The following CNTN5 variants were observed in gnomAD, a reference collection of about 807,000 sequenced individuals.
CNTN5 encodes the protein contactin-5.
CNTN5 carries 77 observed loss-of-function variants against 129.1 expected under a neutral mutation model. That is an observed-to-expected ratio of 0.60 (90% confidence interval 0.50 to 0.72). CNTN5 has a LOEUF of 0.72. Ranked by LOEUF, CNTN5 falls within the 30% of genes least tolerant of loss-of-function variation. The probability of loss-of-function intolerance (pLI) is 0.00; values close to 1 mark genes in which losing one functional copy is unlikely to be tolerated. For synonymous variants in CNTN5, 509 were observed against 465.6 expected (o/e 1.09, Z -1.20); for missense variants, 1,478 against 1,328.8 (o/e 1.11, Z -1.75).
intron 6 of CNTN5, among the ~76,000 whole-genome samples, chr11:99,892,617 GT>G (rs1425027545): frequency 6.6e-6 from 1 of 152,112 alleles, no homozygotes; most frequent in Non-Finnish European, 1.5e-5. Flanking sequence ...TGTCAGGTTT[GT>G]CAAAGATCAA....
intron 6 of CNTN5, 85 bp from the exon 7 acceptor site, chr11:99,915,969 G>A (rs932553234): frequency 3.8e-6 from 4 of 1,040,876 alleles, no homozygotes; most frequent in Non-Finnish European, 5.8e-6. Context: ...TGAAGATAAC[G>A]ATAGAAAGTA....
At chr11:99,683,093 A>G (rs985905863) in intron 3 of CNTN5, among the ~76,000 whole-genome samples, 2 of 151,964 alleles carry the variant, frequency 1.3e-5, no homozygotes, top group South Asian at 4.1e-4. Context: ...AATATTATCT[A>G]TATGACTACA....
chr11:99,873,185 G>T (rs896837206), intron 6 of CNTN5, among the ~76,000 whole-genome samples: 1 of 151,792 alleles, frequency 6.6e-6, no homozygotes, highest in African/African-American at 2.4e-5. Flanking sequence ...ACATAACCAT[G>T]TTCCTGAATT....
intron 3 of CNTN5, among the ~76,000 whole-genome samples, chr11:99,761,346 A>G (rs558069689): frequency 6.6e-6 from 1 of 152,188 alleles, no homozygotes; most frequent in Admixed American, 6.5e-5. Flanking sequence ...TACATGTGCC[A>G]TGCTGGTGCG....
At chr11:99,147,637 C>T (rs1263965403) in intron 1 of CNTN5, among the ~76,000 whole-genome samples, 2 of 152,114 alleles carry the variant, frequency 1.3e-5, no homozygotes, top group Non-Finnish European at 2.9e-5. Flanking sequence ...CTGTCCTTTT[C>T]CCTACCAGGA....
intron 13 of CNTN5, among the ~76,000 whole-genome samples, chr11:100,146,989 A>G (rs1360014673): frequency 6.6e-6 from 1 of 152,140 alleles, no homozygotes; most frequent in Non-Finnish European, 1.5e-5. Flanking sequence ...GTAACCTCCT[A>G]AATGATCTCT....
intron 1 of CNTN5, among the ~76,000 whole-genome samples, chr11:99,253,489 C>A (rs1026663631): frequency 1.3e-5 from 2 of 151,890 alleles, no homozygotes; most frequent in Non-Finnish European, 2.9e-5. Flanking sequence ...GAGTGTTTGA[C>A]TCTTAAGAGT....
At chr11:99,573,257 A>G (rs1156647631) in intron 3 of CNTN5, among the ~76,000 whole-genome samples, 1 of 151,964 alleles carries the variant, frequency 6.6e-6, no homozygotes, top group African/African-American at 2.4e-5. Flanking sequence ...AGGCTATTCT[A>G]CATGGTAGGA....
intron 1 of CNTN5, among the ~76,000 whole-genome samples, chr11:99,073,673 G>C (rs1865439316): frequency 6.6e-6 from 1 of 151,830 alleles, no homozygotes; most frequent in South Asian, 2.1e-4. Context: ...TCATGTGTTA[G>C]TTTGCTGAGG....
At chr11:99,637,371 CGTT>C (rs1333374175) in intron 3 of CNTN5, among the ~76,000 whole-genome samples, 8 of 152,036 alleles carry the variant, frequency 5.3e-5, no homozygotes, top group African/African-American at 1.9e-4. Flanking sequence ...AAAAAATTAG[CGTT>C]GTATATAGCA....
intron 2 of CNTN5, among the ~76,000 whole-genome samples, chr11:99,407,672 C>T (rs991572878): frequency 6.6e-6 from 1 of 152,138 alleles, no homozygotes; most frequent in African/African-American, 2.4e-5. Context: ...AACTGCCTTT[C>T]AAGGTTATCT....
intron 6 of CNTN5, among the ~76,000 whole-genome samples, chr11:99,895,951 C>G (rs534236034): frequency 4.1e-4 from 63 of 152,306 alleles, no homozygotes; most frequent in Non-Finnish European, 7.9e-4. Context: ...AAGTCCTTGC[C>G]TCTGCAGCTC....
chr11:100,273,238 G>A (rs941422609), intron 18 of CNTN5, among the ~76,000 whole-genome samples: 17 of 152,020 alleles, frequency 1.1e-4, no homozygotes, highest in Non-Finnish European at 1.9e-4. Context: ...CGGCTCCTAT[G>A]GCCACTCACC....
At chr11:99,905,205 G>A (rs1239643624) in intron 6 of CNTN5, among the ~76,000 whole-genome samples, 1 of 152,158 alleles carries the variant, frequency 6.6e-6, no homozygotes, top group Non-Finnish European at 1.5e-5. Flanking sequence ...TAGTCATGAA[G>A]TCTTTGCCCA....
intron 13 of CNTN5, among the ~76,000 whole-genome samples, chr11:100,077,885 T>A (rs1366853428): frequency 6.6e-6 from 1 of 151,810 alleles, no homozygotes; most frequent in African/African-American, 2.4e-5. Context: ...AAAAACAAAA[T>A]ACGTCAATTG....
chr11:100,284,353 C>G (rs568320356), intron 18 of CNTN5, among the ~76,000 whole-genome samples: 2 of 152,200 alleles, frequency 1.3e-5, no homozygotes, highest in South Asian at 2.1e-4. Flanking sequence ...TATATTTAAG[C>G]TATATTTTCT....
chr11:99,067,928 G>C (rs900361332), intron 1 of CNTN5, among the ~76,000 whole-genome samples: 1 of 152,098 alleles, frequency 6.6e-6, no homozygotes, highest in East Asian at 1.9e-4. Flanking sequence ...AATCATAGGG[G>C]TGGTTTTCCC....
intron 3 of CNTN5, among the ~76,000 whole-genome samples, chr11:99,575,772 A>T (rs1245867164): frequency 6.6e-6 from 1 of 152,174 alleles, no homozygotes; most frequent in Non-Finnish European, 1.5e-5. Flanking sequence ...AGCCAATGCC[A>T]CCAGACAGGA....
intron 1 of CNTN5, among the ~76,000 whole-genome samples, chr11:99,235,577 A>T (rs1053737193): frequency 6.6e-6 from 1 of 152,182 alleles, no homozygotes; most frequent in African/African-American, 2.4e-5. Context: ...TCCTTACAAT[A>T]GGTATAACTA....
Sources: gnomAD v4.1 joint callset for allele counts (sites outside exome capture counted in the v4.1 genomes callset) on GRCh38, gnomAD v4.1.1 for gene constraint, MANE v1.5 for transcripts, NCBI Gene and HGNC (gene_info 2026-07-23, HGNC 2026-07-21) for gene names.